Variants in TNFRSF21 observed in about 807,000 individuals in gnomAD.
The protein encoded by TNFRSF21 is tumor necrosis factor receptor superfamily member 21.
TNFRSF21 carries 19 observed loss-of-function variants against 45.6 expected under a neutral mutation model. That is an observed-to-expected ratio of 0.42 (90% CI 0.29 to 0.61). The LOEUF is 0.61. Among genes scored for constraint, TNFRSF21 ranks in the 20% least tolerant of loss-of-function variants. The pLI is 0.23. For missense variants in TNFRSF21, 737 were observed against 851.5 expected, an observed-to-expected ratio of 0.87 and a Z score of 1.67; for synonymous variants, 314 against 335.5, an observed-to-expected ratio of 0.94 and a Z score of 0.70.
chr6:47,266,421 T>A (rs1762334188), intron 3 of TNFRSF21, among the ~76,000 whole-genome samples: 1 of 152,170 alleles, frequency 6.6e-6, no homozygotes, highest in Admixed American at 6.5e-5. Context: ...GATGTTATGA[T>A]TTGCTTTGCT....
At chr6:47,268,483 G>A (rs963575611) in intron 3 of TNFRSF21, among the ~76,000 whole-genome samples, 1 of 152,170 alleles carries the variant, frequency 6.6e-6, no homozygotes, top group Non-Finnish European at 1.5e-5. Flanking sequence ...CTCTAAGAGG[G>A]TTCAAGGAAA....
intron 3 of TNFRSF21, among the ~76,000 whole-genome samples, chr6:47,256,239 G>C (rs1260414953): frequency 6.6e-6 from 1 of 152,122 alleles, no homozygotes; most frequent in African/African-American, 2.4e-5. Flanking sequence ...TATAAAAGTA[G>C]AATGGATGGG....
intron 3 of TNFRSF21, among the ~76,000 whole-genome samples, chr6:47,280,844 G>A (rs1400322438): frequency 6.6e-6 from 1 of 152,214 alleles, no homozygotes; most frequent in Non-Finnish European, 1.5e-5. Flanking sequence ...GTTTAAAAAT[G>A]TAGCTGACCA....
At chr6:47,301,671 C>T (rs776790798) in intron 1 of TNFRSF21, among the ~76,000 whole-genome samples, 1 of 152,084 alleles carries the variant, frequency 6.6e-6, no homozygotes, top group Non-Finnish European at 1.5e-5. Context: ...CTAGCACTTC[C>T]TTCCCTCTCT....
intron 4 of TNFRSF21, among the ~76,000 whole-genome samples, chr6:47,246,180 T>C (rs1462436323): frequency 6.6e-6 from 1 of 152,200 alleles, no homozygotes; most frequent in Non-Finnish European, 1.5e-5. Flanking sequence ...AAACCAGCTA[T>C]AGAGCACCCA....
At chr6:47,305,906 T>C (rs932984481) in intron 1 of TNFRSF21, among the ~76,000 whole-genome samples, 5 of 152,338 alleles carry the variant, frequency 3.3e-5, no homozygotes, top group Admixed American at 3.3e-4. Flanking sequence ...GTAGTGTCAC[T>C]CTGGGCAAGC....
intron 1 of TNFRSF21, among the ~76,000 whole-genome samples, chr6:47,306,279 C>T (rs1176042482): frequency 6.6e-6 from 1 of 152,232 alleles, no homozygotes; most frequent in Non-Finnish European, 1.5e-5. Flanking sequence ...CATTCACGTT[C>T]TGTAACAAAC....
At chr6:47,272,284 A>T (rs1335883092) in intron 3 of TNFRSF21, among the ~76,000 whole-genome samples, 1 of 152,200 alleles carries the variant, frequency 6.6e-6, no homozygotes, top group Non-Finnish European at 1.5e-5. Context: ...TCCTCAGCAA[A>T]TATAAAAGAA....
At chr6:47,243,090 T>A (rs116230716) in intron 4 of TNFRSF21, among the ~76,000 whole-genome samples, 66 of 152,340 alleles carry the variant, frequency 4.3e-4, no homozygotes, top group African/African-American at 1.5e-3. Context: ...TCATCAAATC[T>A]GATTAAATTA....
Position 47,253,450 on chromosome 6 carries a change from T to G in TNFRSF21, c.1315A>C (p.Asn439His). ...QWKDIYQFLC[N>H]ASEREVAAFS... is the part of the protein sequence containing the mutation. ...GCAGCAACCTCCCTCTCACTGGCAT[T>G]GCAAAGAAACTGATAGATATCTTTC... Residue 439 changes from asparagine (N) to histidine (H), a missense_variant, in exon 4 of 6, where the codon AAT (asparagine) becomes CAT (histidine). By Grantham distance (68) the Asn-to-His change is moderately conservative (BLOSUM62 1). Transcript: ENST00000296861. 6.2e-7 allele frequency: 1 copy of G among 1,614,140 alleles called. No individual in the cohort carries two copies. The highest frequency in any genetic ancestry group is 8.5e-7 in the Non-Finnish European group (1 of 1,180,042).
intron 3 of TNFRSF21, among the ~76,000 whole-genome samples, chr6:47,261,616 G>C (rs1765075069): frequency 6.6e-6 from 1 of 152,188 alleles, no homozygotes; most frequent in Non-Finnish European, 1.5e-5. Context: ...TGAAACCTGG[G>C]CTCCCAGGGA....
chr6:47,265,376 T>C (rs943153557), intron 3 of TNFRSF21, among the ~76,000 whole-genome samples: 2 of 142,060 alleles, frequency 1.4e-5, no homozygotes, highest in African/African-American at 5.1e-5. Context: ...ACAGTTTTTT[T>C]GTTTTGTTTT....
At chr6:47,255,514 T>G (rs1440987449) in intron 3 of TNFRSF21, among the ~76,000 whole-genome samples, 1 of 151,928 alleles carries the variant, frequency 6.6e-6, no homozygotes, top group Non-Finnish European at 1.5e-5. Context: ...TAGGCTGGAG[T>G]GCAATGGTGC....
intron 4 of TNFRSF21, among the ~76,000 whole-genome samples, chr6:47,252,004 C>T (rs979066921): frequency 6.6e-6 from 1 of 152,140 alleles, no homozygotes. Flanking sequence ...CCTTCAAAGT[C>T]AATTAGCACC....
chr6:47,266,692 A>G (rs1762336479), intron 3 of TNFRSF21, among the ~76,000 whole-genome samples: 1 of 152,216 alleles, frequency 6.6e-6, no homozygotes, highest in African/African-American at 2.4e-5. Flanking sequence ...TCAATCCTAA[A>G]ATACAGAAGG....
At chr6:47,282,257 T>C (rs1762578089) in intron 3 of TNFRSF21, among the ~76,000 whole-genome samples, 1 of 151,940 alleles carries the variant, frequency 6.6e-6, no homozygotes, top group Non-Finnish European at 1.5e-5. Context: ...TGGTGGTACA[T>C]GCCTGTAATC....
At chr6:47,260,129 T>C (rs1176830171) in intron 3 of TNFRSF21, among the ~76,000 whole-genome samples, 2 of 152,116 alleles carry the variant, frequency 1.3e-5, no homozygotes, top group East Asian at 3.9e-4. Context: ...ACCTAAAAGA[T>C]GGGAAGAGTT....
At position 47,232,853 on chromosome 6, in the gene TNFRSF21, C is replaced by T. The variant is rs770464145; in HGVS notation, c.1880G>A (p.Arg627Gln). 8.1e-6 allele frequency: 13 copies of T among 1,613,986 alleles called. No individual in the cohort carries two copies. The highest frequency in any genetic ancestry group is 1.6e-4 in the Middle Eastern group (1 of 6,084). Residue 627 changes from arginine to glutamine, a missense_variant, in exon 6 of 6, where the codon CGG (arginine) becomes CAG (glutamine). Physicochemically the swap from Arg to Gln is conservative, Grantham distance 43 (BLOSUM62 1). Transcript: ENST00000296861. Reference protein sequence around the residue: ...EIPQAEDKLDRLFEIIGVKSQ... With the variant: ...EIPQAEDKLDQLFEIIGVKSQ... ...CTTGACTCCAATAATTTCGAATAGC[C>T]GGTCTAGTTTGTCCTCAGCCTGGGG...
At position 47,232,188 on chromosome 6, in the gene TNFRSF21, T is replaced by C. The variant is rs1290872579; in HGVS notation, c.*577A>G. On this transcript the variant is annotated 3_prime_UTR_variant, in exon 6 of 6. Transcript: ENST00000296861. ...AAAGATAACTCAAAGTTGAATTGCA[T>C]TACAGTAACTCAATGGGGTCTTAAA... 6.5e-6 allele frequency: 1 copy of C among 152,744 alleles called. No individual in the cohort carries two copies. The highest frequency in any genetic ancestry group is 1.5e-5 in the Non-Finnish European group (1 of 68,264). 9.5% of individuals were successfully genotyped at this position (152,744 alleles called of 1,614,324 possible).
Sources: gnomAD v4.1 joint callset for allele counts (sites outside exome capture counted in the v4.1 genomes callset) on GRCh38, gnomAD v4.1.1 for gene constraint, MANE v1.5 for transcripts, NCBI Gene and HGNC (gene_info 2026-07-23, HGNC 2026-07-21) for gene names.